Variants in CPT1A observed in about 807,000 individuals in gnomAD.
The protein encoded by CPT1A is carnitine O-palmitoyltransferase 1, liver isoform.
In CPT1A, 64 loss-of-function variants were observed where a neutral mutation model predicts 100.8. That is an observed-to-expected ratio of 0.63 (90% CI 0.52 to 0.78). The LOEUF is 0.78. Ranked by LOEUF, CPT1A falls within the 30% of genes least tolerant of loss-of-function variation. The pLI is 0.00. For synonymous variants in CPT1A, 363 were observed against 396.0 expected (o/e 0.92, Z 0.99); for missense variants, 802 against 1,034.1 (o/e 0.78, Z 3.08).
At chr11:68,817,519 T>C (rs1856461968) in intron 1 of CPT1A, among the ~76,000 whole-genome samples, 1 of 151,848 alleles carries the variant, frequency 6.6e-6, no homozygotes, top group African/African-American at 2.4e-5. Flanking sequence ...AGTGCTCTGG[T>C]GCAGGAAGGG....
At position 68,781,755 on chromosome 11, in the gene CPT1A, A is replaced by T; in HGVS notation, c.1352+16T>A. 2 of 1,613,920 alleles carry T rather than the reference A, an allele frequency of 1.2e-6. No homozygotes were observed. Among genetic ancestry groups the T allele is most frequent in the African/African-American group, 1.3e-5 (1 of 75,046 alleles). On this transcript the variant is annotated intron_variant, in intron 11 of 18. Transcript: ENST00000265641. ...TCATGGGCAAACTCCTGTCTCTCAG[A>T]AGGTAAGGACGGTACCTGTCGTAAC...
At chr11:68,799,756 A>C (rs1855854282) in intron 5 of CPT1A, among the ~76,000 whole-genome samples, 1 of 144,244 alleles carries the variant, frequency 6.9e-6, no homozygotes. Flanking sequence ...ACCCTATCTC[A>C]AAAAAAAAAA....
chr11:68,780,166 G>T (rs1435464405), intron 12 of CPT1A, among the ~76,000 whole-genome samples: 1 of 152,194 alleles, frequency 6.6e-6, no homozygotes, highest in Non-Finnish European at 1.5e-5. Context: ...GGAAGACAGG[G>T]ATGCCTTTAA....
chr11:68,759,280 A>C (rs890713305), intron 18 of CPT1A, among the ~76,000 whole-genome samples: 6 of 151,234 alleles, frequency 4.0e-5, no homozygotes, highest in Non-Finnish European at 8.9e-5. Context: ...CTGTAGTCCC[A>C]GCTACTTGGG....
chr11:68,781,803 G>A lies in CPT1A; in HGVS notation c.1320C>T (p.Ala440=), dbSNP rs773343849. Residue 440 remains alanine (A), a synonymous_variant, in exon 11 of 19, where the codon GCC becomes GCT. Coordinates refer to ENST00000265641, the MANE Select transcript of CPT1A (RefSeq NM_001876.4). ...AACATCGGCCGTGTAGTAGAGATTT[G>A]GCGTAGCTGTCCATTGACGTATCCG... ...EDPDTSMDSY[A]KSLLHGRCYD... 1.6e-5 allele frequency: 26 copies of A among 1,613,998 alleles called. No homozygotes were observed. Among genetic ancestry groups the A allele is most frequent in the Middle Eastern group, 3.3e-4 (2 of 6,084 alleles).
At chr11:68,767,735 CAAG>C (rs1018236813) in intron 14 of CPT1A, among the ~76,000 whole-genome samples, 2 of 152,164 alleles carry the variant, frequency 1.3e-5, no homozygotes, top group African/African-American at 2.4e-5. Context: ...AAGCTTCGTG[CAAG>C]AAGCTGCCTT....
chr11:68,760,130 A>T (rs1946774973), intron 17 of CPT1A, 95 bp downstream of exon 17: 2 of 851,564 alleles, frequency 2.3e-6, no homozygotes, highest in Non-Finnish European at 3.9e-6. Flanking sequence ...CCGCAAGGTA[A>T]CGGGGGCACC....
intron 2 of CPT1A, among the ~76,000 whole-genome samples, chr11:68,813,671 T>C (rs1856288303): frequency 6.9e-6 from 1 of 144,900 alleles, no homozygotes. Context: ...CACTCCACCC[T>C]GAGCAACAGA....
In CPT1A at chr11:68,759,640, C is replaced by T; in HGVS notation, c.2164G>A (p.Val722Met). The T allele has an allele frequency of 6.2e-7, 1 of 1,613,644 alleles. No homozygotes were observed. Among genetic ancestry groups the T allele is most frequent in the South Asian group, 1.1e-5 (1 of 91,078 alleles). ...TTCTCTCCCACAAGGATGTACGACA[C>T]ACCATAGCCGTCATCAGCAACCTGG... Reference protein sequence around the residue: ...FGPVADDGYGVSYILVGENLI... With the variant: ...FGPVADDGYGMSYILVGENLI... The change falls in exon 18 of 19, where the codon GTG becomes ATG. Residue 722 changes from valine (V) to methionine (M), a missense_variant. By Grantham distance (21) the Val-to-Met change is conservative (BLOSUM62 1). Around this residue, in one of 4 missense-constraint regions of CPT1A, gnomAD observed 627 missense variants for 799.3 expected, o/e 0.78. Coordinates refer to ENST00000265641, the MANE Select transcript of CPT1A (RefSeq NM_001876.4).
intron 12 of CPT1A, among the ~76,000 whole-genome samples, chr11:68,776,871 A>G (rs1159964393): frequency 1.3e-5 from 2 of 152,254 alleles, no homozygotes; most frequent in Admixed American, 6.5e-5. Flanking sequence ...TATGTGACTT[A>G]TATCTCAACT....
chr11:68,763,312 C>G (rs986712851), intron 14 of CPT1A, among the ~76,000 whole-genome samples: 3 of 151,614 alleles, frequency 2.0e-5, no homozygotes, highest in Non-Finnish European at 2.9e-5. Context: ...TGACACCCCC[C>G]CCACCCCCGA....
intron 1 of CPT1A, 32 bp from the exon 2 acceptor site, chr11:68,815,519 G>A (rs1856360669): frequency 1.2e-6 from 2 of 1,605,418 alleles, no homozygotes; most frequent in Non-Finnish European, 1.7e-6. Flanking sequence ...GTAACACAGT[G>A]GAACGTGTGA....
chr11:68,827,073 T>G (rs1358457246), intron 1 of CPT1A, among the ~76,000 whole-genome samples: 2 of 151,996 alleles, frequency 1.3e-5, no homozygotes, highest in East Asian at 3.9e-4. Flanking sequence ...GGACCTCAGA[T>G]AAGCCTCACA....
At chr11:68,834,650 A>G (rs922704128) in intron 1 of CPT1A, among the ~76,000 whole-genome samples, 1 of 152,114 alleles carries the variant, frequency 6.6e-6, no homozygotes, top group Non-Finnish European at 1.5e-5. Flanking sequence ...GCTACTTGCG[A>G]GTATCACTCG....
At chr11:68,818,012 GCC>G (rs1178323617) in intron 1 of CPT1A, among the ~76,000 whole-genome samples, 7 of 152,220 alleles carry the variant, frequency 4.6e-5, no homozygotes, top group African/African-American at 1.4e-4. Flanking sequence ...GCATCCAAGG[GCC>G]CAGAGAAAGG....
chr11:68,804,192 G>T, intron 4 of CPT1A, 91 bp from the exon 5 acceptor site: 1 of 913,854 alleles, frequency 1.1e-6, no homozygotes. Context: ...AGCAGGGTCA[G>T]TCCTGGTTAG....
chr11:68,831,863 C>A (rs1277128485), intron 1 of CPT1A, among the ~76,000 whole-genome samples: 1 of 151,970 alleles, frequency 6.6e-6, no homozygotes, highest in Non-Finnish European at 1.5e-5. Flanking sequence ...GAACTCCTGA[C>A]CCCAAGCGAT....
chr11:68,784,392 C>G (rs1387507602), intron 10 of CPT1A, among the ~76,000 whole-genome samples: 2 of 152,140 alleles, frequency 1.3e-5, no homozygotes, highest in Non-Finnish European at 2.9e-5. Context: ...GAAACCCTGT[C>G]TCTACTAGGC....
At chr11:68,815,300 C>T in intron 2 of CPT1A, 34 bp downstream of exon 2, 1 of 1,609,724 alleles carries the variant, frequency 6.2e-7, no homozygotes, top group Non-Finnish European at 8.5e-7. Context: ...TATTAAAAGG[C>T]ATACTGTGTA....
Sources: gnomAD v4.1 joint callset for allele counts (sites outside exome capture counted in the v4.1 genomes callset) on GRCh38, gnomAD v4.1.1 for gene constraint, gnomAD v4.1.1 regional missense constraint, MANE v1.5 for transcripts, NCBI Gene and HGNC (gene_info 2026-07-23, HGNC 2026-07-21) for gene names.